The following TACC2 variants were observed in gnomAD, a reference collection of about 807,000 sequenced individuals.
TACC2 encodes transforming acidic coiled-coil-containing protein 2.
TACC2 carries 137 observed loss-of-function variants against 227.3 expected under a neutral mutation model. That is an observed-to-expected ratio of 0.60 (90% CI 0.52 to 0.69). The LOEUF (loss-of-function observed/expected upper bound fraction) is 0.69, where lower values mean the gene tolerates loss of function less well. Among genes scored for constraint, TACC2 ranks in the 30% least tolerant of loss-of-function variants. The pLI, the probability that TACC2 is intolerant of heterozygous loss-of-function variation, is 0.00. For missense variants in TACC2, 3,470 were observed against 3,694.4 expected (o/e 0.94, Z 1.57); for synonymous variants, 1,523 against 1,487.5 (o/e 1.02, Z -0.55).
At chr10:122,090,791 C>T (rs957930555) in intron 5 of TACC2, among the ~76,000 whole-genome samples, 4 of 152,028 alleles carry the variant, frequency 2.6e-5, no homozygotes, top group Non-Finnish European at 4.4e-5. Flanking sequence ...CTCTGTCACC[C>T]AGGCTGGACT....
At chr10:122,161,402 A>C (rs886373212) in intron 7 of TACC2, among the ~76,000 whole-genome samples, 3 of 152,116 alleles carry the variant, frequency 2.0e-5, no homozygotes, top group Admixed American at 6.5e-5. Flanking sequence ...ACTTGGGGGG[A>C]AATTTTTTCT....
At chr10:122,089,159 A>G (rs1027332055) in intron 5 of TACC2, among the ~76,000 whole-genome samples, 1 of 152,180 alleles carries the variant, frequency 6.6e-6, no homozygotes, top group African/African-American at 2.4e-5. Context: ...CATATACCAC[A>G]TAATTCACTC....
chr10:122,021,732 G>T (rs1180382576), intron 1 of TACC2, among the ~76,000 whole-genome samples: 1 of 152,146 alleles, frequency 6.6e-6, no homozygotes. Context: ...CCGGGGTGGG[G>T]AATGAAAACA....
rs1169249919 is a variant in TACC2, at chr10:122,067,681, A to G, written c.147-14966A>G. On this transcript the variant is annotated intron_variant, in intron 3 of 22. Transcript: ENST00000369005. Reference sequence around the variant, plus strand: ...GCCACCACACCTGGCTAATTTTTGTATGTTAGTAGAGATGGGGTTTCACCA... The same window carrying G: ...GCCACCACACCTGGCTAATTTTTGTGTGTTAGTAGAGATGGGGTTTCACCA... Among the ~76,000 whole-genome samples, 5 of 151,800 alleles carry G rather than the reference A, an allele frequency of 3.3e-5. No individual in the cohort carries two copies. In the South Asian group the frequency reaches 6.2e-4, roughly 19 times the overall value.
intron 3 of TACC2, among the ~76,000 whole-genome samples, chr10:122,076,780 A>G (rs1252500795): frequency 4.6e-5 from 7 of 152,018 alleles, no homozygotes; most frequent in African/African-American, 1.7e-4. Flanking sequence ...GGTTTGGACT[A>G]ATGAATTACT....
intron 7 of TACC2, among the ~76,000 whole-genome samples, chr10:122,191,185 A>G (rs2094398945): frequency 6.6e-6 from 1 of 151,612 alleles, no homozygotes; most frequent in Admixed American, 6.6e-5. Context: ...TTGTGCGATC[A>G]TAGCTTGCTG....
chr10:122,237,408 A>G lies in TACC2; in HGVS notation c.8141A>G (p.His2714Arg), dbSNP rs1484129399. 6.2e-7 allele frequency: 1 copy of G among 1,610,830 alleles called. No individual in the cohort carries two copies. Among genetic ancestry groups the G allele is most frequent in the East Asian group, 2.2e-5 (1 of 44,838 alleles). Reference sequence around the variant, plus strand: ...ACGATTCCACAGAGAGAGGCTGCTCACCCAACAGACGTCTCCATCTCCAAA... The same window carrying G: ...ACGATTCCACAGAGAGAGGCTGCTCGCCCAACAGACGTCTCCATCTCCAAA... ...SHQDAKREAA[H>R]PTDVSISKTA... The change falls in exon 17 of 23, where the codon CAC (histidine) becomes CGC (arginine). Residue 2714 changes from histidine to arginine, a missense_variant. His to Arg is a conservative substitution (Grantham distance 29, BLOSUM62 0). Around this residue, in one of 10 missense-constraint regions of TACC2, gnomAD observed 345 missense variants for 354.4 expected, o/e 0.97. Transcript: ENST00000369005.
intron 16 of TACC2, among the ~76,000 whole-genome samples, chr10:122,234,341 A>G (rs1017852591): frequency 5.3e-5 from 8 of 152,232 alleles, no homozygotes; most frequent in African/African-American, 9.6e-5. Flanking sequence ...GAAGGTTGGA[A>G]ATTGGTTACA....
chr10:122,007,892 G>A (rs10047286), intron 1 of TACC2, among the ~76,000 whole-genome samples: 32,657 of 151,994 alleles, frequency 0.21, 3,840 homozygotes, highest in African/African-American at 0.28. Context: ...ATGGGAGTGG[G>A]TTAGTTATCA....
chr10:122,223,053 CTTTTTTTT>C (rs35098612), intron 11 of TACC2, among the ~76,000 whole-genome samples: 2 of 94,024 alleles, frequency 2.1e-5, no homozygotes, highest in Non-Finnish European at 4.1e-5. Context: ...CTCTCTCTCT[CTTTTTTTT>C]TTTTTTTTTT....
chr10:122,066,677 A>G (rs1591629777), intron 3 of TACC2, among the ~76,000 whole-genome samples: 2 of 152,234 alleles, frequency 1.3e-5, no homozygotes, highest in East Asian at 1.9e-4. Flanking sequence ...TGTTGGGATT[A>G]TAGGCAAAAG....
chr10:122,211,560 G>T lies in TACC2; in HGVS notation c.7135G>T (p.Asp2379Tyr), dbSNP rs1258869046. 1.9e-6 allele frequency: 3 copies of T among 1,613,912 alleles called. No homozygotes were observed. Among genetic ancestry groups the T allele is most frequent in the Non-Finnish European group, 2.5e-6 (3 of 1,179,978 alleles). The change falls in exon 9 of 23, where the codon GAC becomes TAC. Residue 2379 changes from aspartate to tyrosine, a missense_variant. Asp to Tyr is a radical substitution (Grantham distance 160). Transcript: ENST00000369005. ...CCCAGACACCTGTGATGAGTCCGTT[G>T]ACCCCTTTAAGACATCCTCTAAGAC... is the stretch of plus-strand genomic sequence containing the variant. Reference protein sequence around the residue: ...FDPDTCDESVDPFKTSSKTPS... With the variant: ...FDPDTCDESVYPFKTSSKTPS...
At chr10:121,990,195 C>T (rs1211410438) in intron 1 of TACC2, among the ~76,000 whole-genome samples, 1 of 151,870 alleles carries the variant, frequency 6.6e-6, no homozygotes, top group Non-Finnish European at 1.5e-5. Context: ...ATTGCAGCCT[C>T]GACCTCCCGG....
At chr10:122,226,797 CT>C (rs1287937959) in intron 13 of TACC2, among the ~76,000 whole-genome samples, 1 of 152,184 alleles carries the variant, frequency 6.6e-6, no homozygotes, top group Non-Finnish European at 1.5e-5. Flanking sequence ...GGTTTTGTTA[CT>C]GGCTACCCTT....
At chr10:122,215,092 T>C (rs2095372660) in intron 9 of TACC2, among the ~76,000 whole-genome samples, 1 of 152,216 alleles carries the variant, frequency 6.6e-6, no homozygotes, top group Non-Finnish European at 1.5e-5. Context: ...AGAAATTTGC[T>C]TTATAAAATA....
intron 8 of TACC2, among the ~76,000 whole-genome samples, chr10:122,203,981 C>T (rs957145790): frequency 6.6e-6 from 1 of 151,528 alleles, no homozygotes; most frequent in African/African-American, 2.4e-5. Flanking sequence ...CACAGCGAAA[C>T]CCTGTCTCCA....
At chr10:122,224,690 G>A (rs79711120) in intron 11 of TACC2, 36 bp from the exon 12 acceptor site, 1 of 1,604,036 alleles carries the variant, frequency 6.2e-7, no homozygotes, top group Non-Finnish European at 8.5e-7. Flanking sequence ...CTCACCTTTT[G>A]TTTTTTTGTG....
At chr10:122,066,224 C>G (rs1056241460) in intron 3 of TACC2, among the ~76,000 whole-genome samples, 9 of 151,734 alleles carry the variant, frequency 5.9e-5, no homozygotes, top group Non-Finnish European at 1.0e-4. Context: ...TCTCCTGCCT[C>G]AGCCCCCCAA....
intron 7 of TACC2, among the ~76,000 whole-genome samples, chr10:122,175,197 C>G (rs2093644895): frequency 6.6e-6 from 1 of 152,210 alleles, no homozygotes; most frequent in Non-Finnish European, 1.5e-5. Context: ...TCAAGCAATT[C>G]TCCTGCCTTG....
Sources: gnomAD v4.1 joint callset for allele counts (sites outside exome capture counted in the v4.1 genomes callset) on GRCh38, gnomAD v4.1.1 for gene constraint, gnomAD v4.1.1 regional missense constraint, MANE v1.5 for transcripts, NCBI Gene and HGNC (gene_info 2026-07-23, HGNC 2026-07-21) for gene names.